MAN2A2: variants seen among roughly 807,000 people sequenced by gnomAD.
MAN2A2 encodes alpha-mannosidase 2x.
Under a neutral mutation model 126.8 loss-of-function variants are expected in MAN2A2, and 79 were observed. The ratio of observed to expected loss-of-function variants is 0.62; its 90% confidence interval spans 0.52 to 0.75. The LOEUF is 0.75. Among genes scored for constraint, MAN2A2 ranks in the 30% least tolerant of loss-of-function variants. The pLI, the probability that MAN2A2 is intolerant of heterozygous loss-of-function variation, is 0.00. For missense variants in MAN2A2, 1,392 were observed against 1,522.4 expected, an observed-to-expected ratio of 0.91 and a Z score of 1.43; for synonymous variants, 671 against 618.7, an observed-to-expected ratio of 1.08 and a Z score of -1.25.
Position 90,912,680 on chromosome 15 carries a change from C to T in MAN2A2, c.2469+16C>T, listed in dbSNP as rs1212152821. The stretch of plus-strand genomic sequence containing the variant: ...CGAGGCCAAGGTATCCTAAAGATGC[C>T]TTGAACAACCTGGCAGGGAGGGCAG... On this transcript the variant is annotated intron_variant, in intron 16 of 22. Coordinates refer to ENST00000559717, the MANE Select transcript of MAN2A2 (RefSeq NM_006122.4). The T allele has an allele frequency of 1.3e-5, 21 of 1,613,696 alleles. No individual in the cohort carries two copies. Among genetic ancestry groups the T allele is most frequent in the South Asian group, 2.2e-5 (2 of 91,086 alleles).
chr15:90,914,517 T>TTTTTTTG, intron 19 of MAN2A2, among the ~76,000 whole-genome samples: 1 of 152,138 alleles, frequency 6.6e-6, no homozygotes, highest in Admixed American at 6.5e-5. Flanking sequence ...CTGACGTTCT[T>TTTTTTTG]TTTTTTTGTT....
Position 90,905,416 on chromosome 15 carries a change from G to A in MAN2A2, c.298G>A (p.Val100Met), listed in dbSNP as rs900080726. The A allele has an allele frequency of 6.2e-7, 1 of 1,613,690 alleles. No individual in the cohort carries two copies. Among genetic ancestry groups the A allele is most frequent in the Non-Finnish European group, 8.5e-7 (1 of 1,180,034 alleles). ...CTACACGGTCAATGGCTCCTGGGTG[G>A]TGCCACCGGAGCCCCGGCCCAGCTT... Reference protein sequence around the residue: ...PYYTVNGSWVVPPEPRPSFFS... With the variant: ...PYYTVNGSWVMPPEPRPSFFS... Residue 100 changes from valine to methionine, a missense_variant, in exon 3 of 23, where the codon GTG (valine) becomes ATG (methionine). Transcript: ENST00000559717.
At position 90,921,170 on chromosome 15, in the gene MAN2A2, A is replaced by G. The variant is rs1284828772; in HGVS notation, c.*1383A>G. Reference sequence around the variant, plus strand: ...TTATAATTGTCATTATTTGTAGACAATAAAACTGCCTACCTGTAAAACCTA... The same window carrying G: ...TTATAATTGTCATTATTTGTAGACAGTAAAACTGCCTACCTGTAAAACCTA... On this transcript the variant is annotated 3_prime_UTR_variant, in exon 23 of 23. Transcript: ENST00000559717. 2 of 152,268 alleles carry G rather than the reference A, an allele frequency of 1.3e-5. No homozygotes were observed. The highest frequency in any genetic ancestry group is 2.1e-4 in the South Asian group (1 of 4,834). The allele number at this position is 152,268 out of a possible 1,614,324, so 9.4% of individuals were successfully genotyped here. A position where few individuals can be genotyped will look rare whatever the true frequency, so the allele number is the denominator to read the frequency against.
chr15:90,910,689 A>G lies in MAN2A2; in HGVS notation c.1760+6A>G. 2 of 1,612,498 alleles carry G rather than the reference A, an allele frequency of 1.2e-6. No homozygotes were observed. The highest frequency in any genetic ancestry group is 1.7e-6 in the Non-Finnish European group (2 of 1,179,650). On this transcript the variant is annotated splice_donor_region_variant and intron_variant, in intron 11 of 22. Coordinates refer to ENST00000559717, the MANE Select transcript of MAN2A2 (RefSeq NM_006122.4). ...GTGGTGGACTATGGGGTCAGGTGGG[A>G]GCCTTCTCTTTTCCCTTGTAAGCTC...
chr15:90,902,414 C>A (rs2033917646), upstream of MAN2A2: 1 of 152,276 alleles, frequency 6.6e-6, no homozygotes, highest in Admixed American at 6.5e-5. Context: ...ACGACAGAGA[C>A]CTAAGGCTAC....
Position 90,913,727 on chromosome 15 carries a change from G to T in MAN2A2, c.2832G>T (p.Gln944His). The T allele has an allele frequency of 6.3e-7, 1 of 1,599,914 alleles. No individual in the cohort carries two copies. Among genetic ancestry groups the T allele is most frequent in the Non-Finnish European group, 8.5e-7 (1 of 1,172,534 alleles). ...AGCGCCTCACGCTGCACACTGCCCA[G>T]GCCCTGGGTGTCTCTAGCCTCAAAG... ...AQKRLTLHTA[Q>H]ALGVSSLKDG... The change falls in exon 19 of 23, where the codon CAG (glutamine) becomes CAT (histidine). Residue 944 changes from glutamine to histidine, a missense_variant. Gln to His is a conservative substitution (Grantham distance 24). Transcript: ENST00000559717.
chr15:90,916,100 G>T (rs1415852223), intron 19 of MAN2A2, 23 bp from the exon 20 acceptor site: 14 of 1,612,590 alleles, frequency 8.7e-6, no homozygotes, highest in Non-Finnish European at 1.1e-5. Context: ...GGGCGGGCCA[G>T]CACTCACTGT....
At position 90,910,925 on chromosome 15, in the gene MAN2A2, C is replaced by T. The variant is rs778574745; in HGVS notation, c.1839C>T (p.Thr613=). The T allele has an allele frequency of 2.5e-6, 4 of 1,614,182 alleles. No individual in the cohort carries two copies. The highest frequency in any genetic ancestry group is 2.7e-5 in the African/African-American group (2 of 75,044). Residue 613 remains threonine, a synonymous_variant, in exon 12 of 23, where the codon ACC becomes ACT. Transcript: ENST00000559717. Reference sequence around the variant, plus strand: ...ATCTGGTGCTGGGGGACAAGGAGACCTACCACTTTGACCCTGAGGCGCCCT... The same window carrying T: ...ATCTGGTGCTGGGGGACAAGGAGACTTACCACTTTGACCCTGAGGCGCCCT... ...AHYLVLGDKE[T]YHFDPEAPFL... is the part of the protein sequence containing the mutation.
At position 90,906,817 on chromosome 15, in the gene MAN2A2, A is replaced by T. The variant is rs2034333912; in HGVS notation, c.913A>T (p.Asn305Tyr). Residue 305 changes from asparagine (N) to tyrosine (Y), a missense_variant, in exon 7 of 23, where the codon AAC (asparagine) becomes TAC (tyrosine). By Grantham distance (143) the Asn-to-Tyr change is moderately radical. Coordinates refer to ENST00000559717, the MANE Select transcript of MAN2A2 (RefSeq NM_006122.4). ...STMPYLLRRA[N>Y]LTSMLIQRVH... ...CATGCCTTACCTGCTGCGCCGTGCC[A>T]ACCTCACCAGCATGCTGATTCAGAG... 3.1e-6 allele frequency: 5 copies of T among 1,614,040 alleles called. No homozygotes were observed. The East Asian group carries it at 1.1e-4, about 36-fold the overall frequency.
At chr15:90,910,461 T>G in intron 10 of MAN2A2, 40 bp from the exon 11 acceptor site, 1 of 1,609,388 alleles carries the variant, frequency 6.2e-7, no homozygotes, top group South Asian at 1.1e-5. Flanking sequence ...GGGCCCTGGC[T>G]AGTGGTGCAG....
intron 1 of MAN2A2, 189 bp downstream of exon 1, chr15:90,903,621 CAG>C (rs2034011928): frequency 5.1e-6 from 1 of 195,042 alleles, no homozygotes; most frequent in Non-Finnish European, 1.1e-5. Context: ...AGTAGAGAAA[CAG>C]GGAGAACACA....
At chr15:90,911,623 C>A in intron 14 of MAN2A2, 73 bp downstream of exon 14, 1 of 1,455,894 alleles carries the variant, frequency 6.9e-7, no homozygotes, top group Non-Finnish European at 9.2e-7. Flanking sequence ...GCGACGCCAG[C>A]CTCCCACCCT....
intron 19 of MAN2A2, among the ~76,000 whole-genome samples, chr15:90,914,665 G>A (rs532230877): frequency 2.3e-3 from 352 of 152,160 alleles, no homozygotes; most frequent in African/African-American, 6.8e-3. Context: ...GATTACAGGC[G>A]CCCGCCACCA....
At position 90,905,620 on chromosome 15, in the gene MAN2A2, T is replaced by C; in HGVS notation, c.432T>C (p.Asp144=). ...VSEELPFDNV[D]GGVWRQGFDI... is the part of the protein sequence containing the mutation. ...AGGAGCTGCCGTTTGACAACGTGGATGGTGGTGTGTGGAGGCAAGGCTTCG... is the reference window on the plus strand; with the variant it reads ...AGGAGCTGCCGTTTGACAACGTGGACGGTGGTGTGTGGAGGCAAGGCTTCG... Residue 144 remains aspartate, a synonymous_variant, in exon 4 of 23, where the codon GAT becomes GAC. Transcript: ENST00000559717. 6.2e-7 allele frequency: 1 copy of C among 1,614,128 alleles called. No homozygotes were observed. The highest frequency in any genetic ancestry group is 8.5e-7 in the Non-Finnish European group (1 of 1,180,006).
chr15:90,916,391 G>A (rs561865665), intron 20 of MAN2A2, 135 bp downstream of exon 20: 13 of 1,265,594 alleles, frequency 1.0e-5, no homozygotes, highest in African/African-American at 3.0e-5. Context: ...TTCCTGGGGT[G>A]GGGGGAGGCA....
At chr15:90,903,890 T>TCTAG (rs2034035060) in intron 1 of MAN2A2, 1 of 419,778 alleles carries the variant, frequency 2.4e-6, no homozygotes, top group Non-Finnish European at 4.5e-6. Flanking sequence ...GCACCTCCTA[T>TCTAG]CTAGGCAGGG....
At position 90,922,151 on chromosome 15, in the gene MAN2A2, T is replaced by G. The variant is rs1454763924; in HGVS notation, c.*2364T>G. ...GAAAACATCAAGGTTAAAACACAAA[T>G]GACAGATATGGAAGAAAATATTTGC... On this transcript the variant is annotated 3_prime_UTR_variant, in exon 23 of 23. Coordinates refer to ENST00000559717, the MANE Select transcript of MAN2A2 (RefSeq NM_006122.4). 1 of 152,052 alleles carries G rather than the reference T, an allele frequency of 6.6e-6. No individual in the cohort carries two copies. Among genetic ancestry groups the G allele is most frequent in the Non-Finnish European group, 1.5e-5 (1 of 67,996 alleles). 9.4% of individuals were successfully genotyped at this position (152,052 alleles called of 1,614,324 possible). A position where few individuals can be genotyped will look rare whatever the true frequency, so the allele number is the denominator to read the frequency against.
At chr15:90,914,919 C>T (rs1422254555) in intron 19 of MAN2A2, among the ~76,000 whole-genome samples, 1 of 152,208 alleles carries the variant, frequency 6.6e-6, no homozygotes, top group Non-Finnish European at 1.5e-5. Context: ...GCCCCCATAT[C>T]CTCAGGGCAA....
Position 90,906,995 on chromosome 15 carries a change from A to G in MAN2A2, c.1009+82A>G, listed in dbSNP as rs760911161. On this transcript the variant is annotated intron_variant, in intron 7 of 22. Coordinates refer to ENST00000559717, the MANE Select transcript of MAN2A2 (RefSeq NM_006122.4). ...CAGGGATATCAGAACTAAGACCCCC[A>G]CTGTTCTTCAGAGCAGACCTGCAGG... is the stretch of plus-strand genomic sequence containing the variant. 805 of 1,523,778 alleles carry G rather than the reference A, an allele frequency of 5.3e-4. 1 individual carries two copies. The highest frequency in any genetic ancestry group is 6.9e-4 in the Non-Finnish European group (768 of 1,115,208). The allele number at this position is 1,523,778 out of a possible 1,614,324, so 94.4% of individuals were successfully genotyped here. A position where few individuals can be genotyped will look rare whatever the true frequency, so the allele number is the denominator to read the frequency against.
Sources: allele counts gnomAD v4.1 joint callset (sites outside exome capture counted in the v4.1 genomes callset), GRCh38; gene constraint gnomAD v4.1.1; transcripts MANE v1.5; gene names NCBI Gene and HGNC (gene_info 2026-07-23, HGNC 2026-07-21).